Variants in GAS7 observed in about 807,000 individuals in gnomAD.
GAS7 encodes growth arrest specific 7.
GAS7 carries 28 observed loss-of-function variants against 71.1 expected under a neutral mutation model. That is an observed-to-expected ratio of 0.39 (90% CI 0.29 to 0.54). GAS7 has a LOEUF of 0.54. Ranked by LOEUF, GAS7 falls within the 20% of genes least tolerant of loss-of-function variation. GAS7 has a pLI of 0.62. For missense variants in GAS7, 436 were observed against 627.8 expected (o/e 0.69, Z 3.27); for synonymous variants, 258 against 245.8 (o/e 1.05, Z -0.46).
chr17:9,973,136 G>C (rs1415703352), intron 3 of GAS7, among the ~76,000 whole-genome samples: 1 of 152,202 alleles, frequency 6.6e-6, no homozygotes, highest in Non-Finnish European at 1.5e-5. Flanking sequence ...GGTTCTGTGT[G>C]TGTGCATCAC....
At chr17:10,006,652 TC>T in intron 2 of GAS7, among the ~76,000 whole-genome samples, 1 of 131,166 alleles carries the variant, frequency 7.6e-6, no homozygotes. Flanking sequence ...TGACTTAGCC[TC>T]AGCTAAGTTG....
chr17:10,005,215 G>A (rs1437854888), intron 2 of GAS7, among the ~76,000 whole-genome samples: 123 of 124,898 alleles, frequency 9.8e-4, no homozygotes, highest in African/African-American at 4.8e-3. Flanking sequence ...GTGCATGTGC[G>A]CGTGTGCATG....
At chr17:10,110,005 G>C (rs1274482704) in intron 1 of GAS7, among the ~76,000 whole-genome samples, 1 of 143,712 alleles carries the variant, frequency 7.0e-6, no homozygotes, top group East Asian at 2.1e-4. Flanking sequence ...AGTGAGCCGA[G>C]ATTGTGCCAT....
intron 1 of GAS7, among the ~76,000 whole-genome samples, chr17:10,122,531 G>A (rs976477507): frequency 6.6e-6 from 1 of 152,092 alleles, no homozygotes; most frequent in African/African-American, 2.4e-5. Flanking sequence ...CCTCCCTGGC[G>A]CCCTCCCTCA....
chr17:10,093,000 A>C (rs1422579900), intron 1 of GAS7, among the ~76,000 whole-genome samples: 1 of 152,214 alleles, frequency 6.6e-6, no homozygotes, highest in Non-Finnish European at 1.5e-5. Context: ...ATATAAGGTA[A>C]GTTCACAGAC....
intron 5 of GAS7, 111 bp from the exon 6 acceptor site, chr17:9,947,094 C>T (rs564610701): frequency 5.6e-5 from 37 of 660,716 alleles, no homozygotes; most frequent in Middle Eastern, 5.0e-4. Flanking sequence ...TGACAGAACA[C>T]GCACAGGGAT....
In GAS7 at chr17:9,981,819, A is replaced by G; in HGVS notation, c.370T>C (p.Ser124Pro). 1 of 1,593,396 alleles carries G rather than the reference A, an allele frequency of 6.3e-7. No homozygotes were observed. The highest frequency in any genetic ancestry group is 8.6e-7 in the Non-Finnish European group (1 of 1,161,160). Reference protein sequence around the residue: ...IPASPGSHRSSLPPTVNGYHA... With the variant: ...IPASPGSHRSPLPPTVNGYHA... Reference sequence around the variant, plus strand: ...CGGACATTACCTGTTGGAGGCAGAGAGCTCCTGTGAGAGCCAGGGCTGGCT... The same window carrying G: ...CGGACATTACCTGTTGGAGGCAGAGGGCTCCTGTGAGAGCCAGGGCTGGCT... The change falls in exon 3 of 14, where the codon TCT becomes CCT. Residue 124 changes from serine to proline, a missense_variant. Physicochemically the swap from Ser to Pro is moderately conservative, Grantham distance 74. Coordinates refer to ENST00000432992, the MANE Select transcript of GAS7 (RefSeq NM_201433.2). The surrounding 1 kb of genome is among the most constrained non-coding windows in gnomAD (Gnocchi z 4.4).
At chr17:9,991,850 T>G (rs16959205) in intron 2 of GAS7, among the ~76,000 whole-genome samples, 7,895 of 151,328 alleles carry the variant, frequency 0.052, 211 homozygotes, top group South Asian at 0.069. Flanking sequence ...CGCATATGAC[T>G]CCCATCTTAT....
intron 1 of GAS7, among the ~76,000 whole-genome samples, chr17:10,123,577 C>T (rs556392958): frequency 1.1e-3 from 167 of 152,346 alleles, no homozygotes; most frequent in Non-Finnish European, 2.0e-3. Flanking sequence ...AAACTCTGAT[C>T]ATCACTCAAA....
rs769289999 is a variant in GAS7, at chr17:10,131,222, G to A, written c.183+66986C>T. Among the ~76,000 whole-genome samples, 3 of 152,194 alleles carry A rather than the reference G, an allele frequency of 2.0e-5. No individual in the cohort carries two copies. The East Asian group carries it at 5.8e-4, about 29-fold the overall frequency. ...GCTTACTTGGTCTCTGTTTACCTAT[G>A]ATTACTGAGTTTTACTTTCCCACCT... is the stretch of plus-strand genomic sequence containing the variant. On this transcript the variant is annotated intron_variant, in intron 1 of 13. Transcript: ENST00000432992.
chr17:10,121,686 C>G (rs748996454), intron 1 of GAS7, among the ~76,000 whole-genome samples: 3 of 152,178 alleles, frequency 2.0e-5, no homozygotes, highest in African/African-American at 7.2e-5. Flanking sequence ...TCTCCACCCA[C>G]GAAACGATTT....
intron 1 of GAS7, among the ~76,000 whole-genome samples, chr17:10,033,523 G>T (rs1011815405): frequency 6.6e-6 from 1 of 152,212 alleles, no homozygotes; most frequent in African/African-American, 2.4e-5. Context: ...GGAGTCCAAA[G>T]TTGCTAGCTG....
chr17:9,915,037 GAAT>G lies in GAS7; in HGVS notation c.*2188_*2190del. On this transcript the variant is annotated 3_prime_UTR_variant, in exon 14 of 14. Coordinates refer to ENST00000432992, the MANE Select transcript of GAS7 (RefSeq NM_201433.2). Reference sequence around the variant, plus strand: ...AATGGCTTTAACCTGCTTGATGAATGAATAACAGAGGGAAGAAAGAAAGGAAGT... The same window carrying G: ...AATGGCTTTAACCTGCTTGATGAATGAACAGAGGGAAGAAAGAAAGGAAGT... The G allele has an allele frequency of 4.3e-6, 1 of 231,728 alleles. No homozygotes were observed. Among genetic ancestry groups the G allele is most frequent in the East Asian group, 6.1e-5 (1 of 16,368 alleles). 14.4% of individuals were successfully genotyped at this position (231,728 alleles called of 1,614,324 possible).
At chr17:9,997,665 T>G (rs888976505) in intron 2 of GAS7, among the ~76,000 whole-genome samples, 11 of 152,174 alleles carry the variant, frequency 7.2e-5, no homozygotes, top group Admixed American at 5.9e-4. Flanking sequence ...CCCACAAGAC[T>G]ACTCCCCACT....
At position 10,103,458 on chromosome 17, in the gene GAS7, T is replaced by C. The variant is rs570600584; in HGVS notation, c.184-83561A>G. 2.0e-5 allele frequency among the ~76,000 whole-genome samples: 3 copies of C among 152,230 alleles called. No homozygotes were observed. The South Asian group carries it at 6.2e-4, about 32-fold the overall frequency. On this transcript the variant is annotated intron_variant, in intron 1 of 13. Coordinates refer to ENST00000432992, the MANE Select transcript of GAS7 (RefSeq NM_201433.2). The surrounding 1 kb of genome is among the most constrained non-coding windows in gnomAD (Gnocchi z 5.5). ...ACTCTAGCTGCCCAGTGAGACTGTT[T>C]TCCATTTTCCAAAACAACGATTTCA...
At chr17:10,142,961 A>G (rs1219448393) in intron 1 of GAS7, among the ~76,000 whole-genome samples, 1 of 151,816 alleles carries the variant, frequency 6.6e-6, no homozygotes, top group African/African-American at 2.4e-5. Flanking sequence ...ACCTGAGGTC[A>G]GGAGTTCGAG....
intron 1 of GAS7, among the ~76,000 whole-genome samples, chr17:10,081,532 A>T (rs1427470403): frequency 7.2e-5 from 11 of 152,260 alleles, no homozygotes; most frequent in Admixed American, 3.9e-4. Context: ...GCAACAAAAA[A>T]GTTTTGCATG....
chr17:10,078,053 T>TTGTGTGTGTG lies in GAS7; in HGVS notation c.184-58166_184-58157dup, dbSNP rs59380311. 1.9e-4 allele frequency among the ~76,000 whole-genome samples: 28 copies of TTGTGTGTGTG among 146,318 alleles called. 1 individual carries two copies. In the Admixed American group the frequency reaches 1.9e-3, roughly 10 times the overall value. On this transcript the variant is annotated intron_variant, in intron 1 of 13. Coordinates refer to ENST00000432992, the MANE Select transcript of GAS7 (RefSeq NM_201433.2). Reference sequence around the variant, plus strand: ...ATGCGGAAGTTTGTTGTTTTTTCTGTTGTGTGTGTGTGTGTGTGTGTGTGT... The same window carrying TTGTGTGTGTG: ...ATGCGGAAGTTTGTTGTTTTTTCTGTTGTGTGTGTGTGTGTGTGTGTGTGTGTGTGTGTGT...
rs72809378 is a variant in GAS7, at chr17:10,139,406, A to G, written c.183+58802T>C. Reference sequence around the variant, plus strand: ...AGATATTATGTTCCTGGTTAGTATCAAGAACTGTGAAAGGTCTGAGATTTC... The same window carrying G: ...AGATATTATGTTCCTGGTTAGTATCGAGAACTGTGAAAGGTCTGAGATTTC... On this transcript the variant is annotated intron_variant, in intron 1 of 13. Transcript: ENST00000432992. Among the ~76,000 whole-genome samples, 970 of 152,348 alleles carry G rather than the reference A, an allele frequency of 6.4e-3. 24 individuals carry two copies. The South Asian group carries it at 0.066, about 10-fold the overall frequency.
Sources: allele counts gnomAD v4.1 joint callset (sites outside exome capture counted in the v4.1 genomes callset), GRCh38; gene constraint gnomAD v4.1.1; non-coding constraint Gnocchi (gnomAD v3.1); transcripts MANE v1.5; gene names NCBI Gene and HGNC (gene_info 2026-07-23, HGNC 2026-07-21).